Variants in GLIS3 observed in about 807,000 individuals in gnomAD.
The protein encoded by GLIS3 is GLIS family zinc finger 3, also known as zinc finger protein GLIS3.
A neutral mutation model predicts 78.6 loss-of-function variants in GLIS3; 53 were observed. The observed-to-expected ratio is 0.67, with a 90% CI of 0.54 to 0.85. The LOEUF (loss-of-function observed/expected upper bound fraction) is 0.85. GLIS3 is among the 40% of genes least tolerant of loss of function. The pLI is 0.00. For synonymous variants in GLIS3, 684 were observed against 509.9 expected, an observed-to-expected ratio of 1.34 and a Z score of -4.60; for missense variants, 1,703 against 1,231.1, an observed-to-expected ratio of 1.38 and a Z score of -5.74.
intron 2 of GLIS3, among the ~76,000 whole-genome samples, chr9:4,247,708 T>C (rs1587135122): frequency 6.6e-6 from 1 of 152,306 alleles, no homozygotes; most frequent in East Asian, 1.9e-4. Context: ...TATTATTACT[T>C]GTAGATTATG....
At chr9:4,333,737 C>T (rs150214503) in intron 2 of GLIS3, among the ~76,000 whole-genome samples, 1 of 109,328 alleles carries the variant, frequency 9.1e-6, no homozygotes, top group Non-Finnish European at 1.8e-5. Context: ...AATGTGATGC[C>T]CCCCCCCACC....
At chr9:4,407,455 C>A in the GLIS3 span, among the ~76,000 whole-genome samples, 3 of 152,188 alleles carry the variant, frequency 2.0e-5, no homozygotes, top group African/African-American at 7.2e-5. Flanking sequence ...ACCATCCTGG[C>A]TAACACTGTG....
chr9:4,355,960 T>A, the GLIS3 span, among the ~76,000 whole-genome samples: 195 of 152,320 alleles, frequency 1.3e-3, 1 homozygote, highest in African/African-American at 4.4e-3. Context: ...TTTATCAAAA[T>A]GTATCAACTG....
In GLIS3 at chr9:3,825,384, T is replaced by C. The variant is rs902822118; in HGVS notation, c.*2888A>G. On this transcript the variant is annotated 3_prime_UTR_variant, in exon 11 of 11. Coordinates refer to ENST00000381971, the MANE Select transcript of GLIS3 (RefSeq NM_001042413.2). ...AACTGACATTTTGATGCAGTTTCGT[T>C]AGGGAATTAAGACAATGCAGCCAAT... is the stretch of plus-strand genomic sequence containing the variant. The C allele has an allele frequency of 6.6e-5, 10 of 152,154 alleles. No homozygotes were observed. The highest frequency in any genetic ancestry group is 1.5e-4 in the Non-Finnish European group (10 of 68,030). 9.4% of individuals were successfully genotyped at this position (152,154 alleles called of 1,614,324 possible). A position where few individuals can be genotyped will look rare whatever the true frequency, so the allele number is the denominator to read the frequency against.
intron 4 of GLIS3, among the ~76,000 whole-genome samples, chr9:3,944,872 G>A (rs1816185101): frequency 6.6e-6 from 1 of 152,180 alleles, no homozygotes. Flanking sequence ...TTTGCTGAGG[G>A]CTTTCATACT....
chr9:4,075,759 A>G (rs1033513008), intron 4 of GLIS3, among the ~76,000 whole-genome samples: 3 of 152,224 alleles, frequency 2.0e-5, no homozygotes, highest in Admixed American at 6.5e-5. Flanking sequence ...TAGTCGTACA[A>G]TGCAACATTA....
the GLIS3 span, among the ~76,000 whole-genome samples, chr9:4,379,213 T>A: frequency 6.6e-6 from 1 of 152,174 alleles, no homozygotes; most frequent in East Asian, 1.9e-4. Context: ...CACTGCACTC[T>A]CTCCCCTCTA....
chr9:3,881,901 A>G (rs577175902), intron 7 of GLIS3, among the ~76,000 whole-genome samples: 8 of 152,248 alleles, frequency 5.3e-5, no homozygotes, highest in Non-Finnish European at 1.0e-4. Flanking sequence ...TGGCCCCACA[A>G]TGCATCCTAA....
chr9:3,897,556 C>T (rs2130592861), intron 7 of GLIS3, among the ~76,000 whole-genome samples: 1 of 152,258 alleles, frequency 6.6e-6, no homozygotes, highest in East Asian at 1.9e-4. Context: ...GTCAACCCTT[C>T]TTCGTCTCAT....
At chr9:4,272,613 A>G (rs1326847620) in intron 2 of GLIS3, among the ~76,000 whole-genome samples, 2 of 152,220 alleles carry the variant, frequency 1.3e-5, no homozygotes, top group Non-Finnish European at 2.9e-5. Flanking sequence ...AATATATAAA[A>G]TGCTACATAA....
the GLIS3 span, among the ~76,000 whole-genome samples, chr9:4,463,121 C>G: frequency 9.0e-4 from 137 of 152,256 alleles, no homozygotes; most frequent in Non-Finnish European, 1.6e-3. Flanking sequence ...CTCAGGTTAC[C>G]AAATACTGTG....
chr9:4,001,551 T>C (rs1214843503), intron 4 of GLIS3, among the ~76,000 whole-genome samples: 2 of 152,200 alleles, frequency 1.3e-5, no homozygotes, highest in African/African-American at 4.8e-5. Context: ...CTCTCCCACG[T>C]AAAGCTGTGT....
intron 2 of GLIS3, among the ~76,000 whole-genome samples, chr9:4,187,469 G>T (rs1430265475): frequency 6.6e-6 from 1 of 152,124 alleles, no homozygotes. Flanking sequence ...GGATTGACTT[G>T]GCGATGTGGG....
chr9:3,838,718 T>C (rs1818521474), intron 9 of GLIS3, among the ~76,000 whole-genome samples: 1 of 135,826 alleles, frequency 7.4e-6, no homozygotes, highest in African/African-American at 2.8e-5. Flanking sequence ...TAAACAGTCT[T>C]TGAAAATACA....
At chr9:4,341,221 T>C (rs1041804906) in intron 2 of GLIS3, among the ~76,000 whole-genome samples, 12 of 152,214 alleles carry the variant, frequency 7.9e-5, no homozygotes, top group African/African-American at 2.9e-4. Flanking sequence ...ATCCATCTAC[T>C]TCCACTTCTT....
intron 7 of GLIS3, among the ~76,000 whole-genome samples, chr9:3,896,706 A>G (rs1484321500): frequency 7.0e-6 from 1 of 142,764 alleles, no homozygotes. Context: ...AAACTTTCAC[A>G]GTCATAAGGT....
rs548846229 is a variant in GLIS3 at position 4,127,967 on chromosome 9, T to C, written c.389-2026A>G. Among the ~76,000 whole-genome samples, 19 of 152,332 alleles carry C rather than the reference T, an allele frequency of 1.2e-4. 1 individual carries two copies. The highest frequency in any genetic ancestry group is 4.6e-4 in the African/African-American group (19 of 41,566). On this transcript the variant is annotated intron_variant, in intron 2 of 10. Transcript: ENST00000381971. The stretch of plus-strand genomic sequence containing the variant: ...TTTCATAAAACTAAAATGGCACATA[T>C]TGTAAGGTGTACCATTATTTTACGT...
rs1824034913 is a variant in GLIS3, at chr9:4,033,547, T to C, written c.1710+84221A>G. On this transcript the variant is annotated intron_variant, in intron 4 of 10. Coordinates refer to ENST00000381971, the MANE Select transcript of GLIS3 (RefSeq NM_001042413.2). Reference sequence around the variant, plus strand: ...ATGGAGAAGGGCCAGAATAGGGCCCTTCAAAGCTACGCTCCTTAAAGTGTT... The same window carrying C: ...ATGGAGAAGGGCCAGAATAGGGCCCCTCAAAGCTACGCTCCTTAAAGTGTT... 6.6e-5 allele frequency among the ~76,000 whole-genome samples: 10 copies of C among 152,220 alleles called. No individual in the cohort carries two copies. In the South Asian group the frequency reaches 2.1e-3, roughly 32 times the overall value.
intron 4 of GLIS3, among the ~76,000 whole-genome samples, chr9:4,101,902 G>C (rs552945260): frequency 6.6e-6 from 1 of 152,150 alleles, no homozygotes; most frequent in South Asian, 2.1e-4. Flanking sequence ...TTCACTTCCA[G>C]AACAAAGTGG....
Sources: allele counts gnomAD v4.1 joint callset (sites outside exome capture counted in the v4.1 genomes callset), GRCh38; gene constraint gnomAD v4.1.1; transcripts MANE v1.5; gene names NCBI Gene and HGNC (gene_info 2026-07-23, HGNC 2026-07-21).